PPP6R2: variants seen among roughly 807,000 people sequenced by gnomAD.
PPP6R2 encodes serine/threonine-protein phosphatase 6 regulatory subunit 2.
A neutral mutation model predicts 100.2 loss-of-function variants in PPP6R2; 62 were observed. The ratio of observed to expected loss-of-function variants is 0.62; its 90% CI spans 0.50 to 0.76. The LOEUF (loss-of-function observed/expected upper bound fraction) is 0.76. Among genes scored for constraint, PPP6R2 ranks in the 30% least tolerant of loss-of-function variants. PPP6R2 has a pLI of 0.00. For synonymous variants in PPP6R2, 525 were observed against 514.7 expected (o/e 1.02, Z -0.27); for missense variants, 1,142 against 1,276.3 (o/e 0.89, Z 1.60).
At chr22:50,352,115 T>A (rs2045427058) in intron 1 of PPP6R2, among the ~76,000 whole-genome samples, 1 of 151,560 alleles carries the variant, frequency 6.6e-6, no homozygotes, top group African/African-American at 2.4e-5. Context: ...AATTTTTGTA[T>A]TTTTTAGTAG....
At position 50,424,364 on chromosome 22, in the gene PPP6R2, C is replaced by CGCGTGTGGAAGGTCTGTCA. The variant is rs1569472120; in HGVS notation, c.1125+764_1125+765insTGTCAGCGTGTGGAAGGTC. On this transcript the variant is annotated intron_variant, in intron 10 of 23. Transcript: ENST00000612753. ...TCTGTCCGCGTGTGGAAGGTCCGTC[C>CGCGTGTGGAAGGTCTGTCA]GCGTGTGGAAGGTCCGTCCGCGTGT... Among the ~76,000 whole-genome samples the CGCGTGTGGAAGGTCTGTCA allele has an allele frequency of 1.8e-3, 187 of 103,224 alleles. 1 individual carries two copies. The highest frequency in any genetic ancestry group is 6.6e-3 in the African/African-American group (174 of 26,236). 67.7% of individuals were successfully genotyped at this position (103,224 alleles called of 152,430 possible). A position where few individuals can be genotyped will look rare whatever the true frequency, so the allele number is the denominator to read the frequency against.
At chr22:50,378,781 G>A (rs967729399) in intron 2 of PPP6R2, among the ~76,000 whole-genome samples, 1 of 151,704 alleles carries the variant, frequency 6.6e-6, no homozygotes, top group African/African-American at 2.4e-5. Context: ...TTGGGTGGCT[G>A]AGGCAGGAGG....
chr22:50,431,186 A>G lies in PPP6R2; in HGVS notation c.1139A>G (p.Lys380Arg), dbSNP rs2063082820. 6.2e-7 allele frequency: 1 copy of G among 1,612,048 alleles called. No homozygotes were observed. The highest frequency in any genetic ancestry group is 8.5e-7 in the Non-Finnish European group (1 of 1,178,424). The change falls in exon 11 of 24, where the codon AAG becomes AGG. Residue 380 changes from lysine (K) to arginine (R), a missense_variant. This residue lies in a region of PPP6R2 where 592 missense variants were observed against 758.9 expected (regional missense o/e 0.78). Coordinates refer to ENST00000612753, the MANE Select transcript of PPP6R2 (RefSeq NM_001242898.2). This position sits in a 1 kb window ranked among gnomAD's most constrained non-coding sequence, Gnocchi z 4.8. ...CTGTTTACCCAGGACTTGTTCTTTA[A>G]GTACACCTGGAATAACTTTTTGCAC... Reference protein sequence around the residue: ...TMDLLLDLFFKYTWNNFLHFQ... With the variant: ...TMDLLLDLFFRYTWNNFLHFQ...
chr22:50,442,569 A>T (rs954590439), intron 22 of PPP6R2, among the ~76,000 whole-genome samples: 1 of 104,678 alleles, frequency 9.6e-6, no homozygotes, highest in East Asian at 5.4e-4. Flanking sequence ...TGTTTGTTTG[A>T]GACAGAGTCT....
the PPP6R2 span, among the ~76,000 whole-genome samples, chr22:50,334,552 A>T: frequency 6.6e-6 from 1 of 152,160 alleles, no homozygotes; most frequent in Non-Finnish European, 1.5e-5. Context: ...ATTATACTGG[A>T]ACAGCTTGTT....
intron 2 of PPP6R2, among the ~76,000 whole-genome samples, chr22:50,387,522 C>T (rs1367197094): frequency 2.6e-5 from 4 of 152,138 alleles, no homozygotes; most frequent in Non-Finnish European, 5.9e-5. Flanking sequence ...AGTCATTGTG[C>T]TTCATGTGCT....
chr22:50,409,621 T>A (rs894706547), intron 4 of PPP6R2, among the ~76,000 whole-genome samples: 1 of 152,186 alleles, frequency 6.6e-6, no homozygotes, highest in Non-Finnish European at 1.5e-5. Context: ...AGAGACAGGG[T>A]TTCACCATGT....
rs374838213 is a variant in PPP6R2 at position 50,406,922 on chromosome 22, G to A, written c.414+47G>A. 3.4e-4 allele frequency: 532 copies of A among 1,554,724 alleles called. 2 individuals carry two copies. The highest frequency in any genetic ancestry group is 1.7e-4 in the Admixed American group (10 of 59,708). On this transcript the variant is annotated intron_variant, in intron 4 of 23. Transcript: ENST00000612753. ...CGTGACTTGGGGCACCGTCATGGTG[G>A]ATGCTGACGTGTCCTGCTGTGAGCC...
At chr22:50,338,473 G>GTGA (rs2042328623), upstream of PPP6R2, among the ~76,000 whole-genome samples, 7 of 138,078 alleles carry the variant, frequency 5.1e-5, 1 homozygote, top group South Asian at 1.5e-3. Context: ...TGTGTGTTAT[G>GTGA]TGTGTGTTAT....
intron 22 of PPP6R2, among the ~76,000 whole-genome samples, chr22:50,442,718 A>C (rs1206331908): frequency 6.6e-6 from 1 of 151,842 alleles, no homozygotes; most frequent in Non-Finnish European, 1.5e-5. Context: ...AGGCCCGGCT[A>C]ATTTTTTGTA....
At chr22:50,360,723 C>T (rs531350168) in intron 1 of PPP6R2, among the ~76,000 whole-genome samples, 1 of 152,270 alleles carries the variant, frequency 6.6e-6, no homozygotes, top group South Asian at 2.1e-4. Flanking sequence ...TGGCAGTTAG[C>T]TACACTGTCA....
At chr22:50,339,556 GGT>G (rs1400388968), upstream of PPP6R2, among the ~76,000 whole-genome samples, 5 of 122,102 alleles carry the variant, frequency 4.1e-5, no homozygotes, top group South Asian at 2.9e-4. Context: ...GTGTGTGTGT[GGT>G]GTGTGTGGTA....
rs765900044 is a variant in PPP6R2 at position 50,411,328 on chromosome 22, C to T, written c.415-3224C>T. On this transcript the variant is annotated intron_variant, in intron 4 of 23. Coordinates refer to ENST00000612753, the MANE Select transcript of PPP6R2 (RefSeq NM_001242898.2). ...AATTAGCTGGGTGTGGTGGCACACG[C>T]CTGTAATCCCAGCTCCTTGGTGGGG... 1.2e-4 allele frequency among the ~76,000 whole-genome samples: 19 copies of T among 152,148 alleles called. No homozygotes were observed. In the East Asian group the frequency reaches 1.9e-3, roughly 16 times the overall value.
In PPP6R2 at chr22:50,410,469, C is replaced by CTT. The variant is rs200178930; in HGVS notation, c.414+3618_414+3619dup. ...ATCTTTGTATTATTTTGAGTGGTGT[C>CTT]TTTTTTTTTTTTTTTTTTTTTTTTT... On this transcript the variant is annotated intron_variant, in intron 4 of 23. Coordinates refer to ENST00000612753, the MANE Select transcript of PPP6R2 (RefSeq NM_001242898.2). Among the ~76,000 whole-genome samples the CTT allele has an allele frequency of 7.7e-3, 796 of 103,164 alleles. 16 individuals carry two copies. The highest frequency in any genetic ancestry group is 0.027 in the Admixed American group (258 of 9,464). 67.7% of individuals were successfully genotyped at this position (103,164 alleles called of 152,430 possible).
chr22:50,399,728 G>T (rs2057713952), intron 3 of PPP6R2, among the ~76,000 whole-genome samples: 1 of 152,252 alleles, frequency 6.6e-6, no homozygotes, highest in African/African-American at 2.4e-5. Flanking sequence ...CTCTTCCTAA[G>T]GCCTCACATG....
chr22:50,352,796 G>C (rs1214076619), intron 1 of PPP6R2, among the ~76,000 whole-genome samples: 1 of 152,082 alleles, frequency 6.6e-6, no homozygotes, highest in Non-Finnish European at 1.5e-5. Flanking sequence ...GCTAGGCACG[G>C]TTGCGCACAC....
chr22:50,414,433 T>G, intron 4 of PPP6R2, 119 bp from the exon 5 acceptor site: 1 of 1,131,644 alleles, frequency 8.8e-7, no homozygotes, highest in East Asian at 3.0e-5. Flanking sequence ...GTCTGGGTCT[T>G]TCCGTTATTT....
chr22:50,335,904 C>T, the PPP6R2 span, among the ~76,000 whole-genome samples: 1 of 146,096 alleles, frequency 6.8e-6, no homozygotes, highest in South Asian at 2.2e-4. Context: ...TCTCGAGCTC[C>T]TGACCTCGTG....
intron 3 of PPP6R2, among the ~76,000 whole-genome samples, chr22:50,396,300 G>T (rs1187487212): frequency 1.1e-4 from 16 of 151,106 alleles, no homozygotes; most frequent in Admixed American, 2.0e-4. Context: ...TTCGAGACCA[G>T]CCTGACCAAC....
Sources: gnomAD v4.1 joint callset for allele counts (sites outside exome capture counted in the v4.1 genomes callset) on GRCh38, gnomAD v4.1.1 for gene constraint, gnomAD v4.1.1 regional missense constraint, Gnocchi (gnomAD v3.1) non-coding constraint, MANE v1.5 for transcripts, NCBI Gene and HGNC (gene_info 2026-07-23, HGNC 2026-07-21) for gene names.